TMEM117: variants seen among roughly 807,000 people sequenced by gnomAD.
TMEM117 encodes transmembrane protein 117.
Under a neutral mutation model 52.4 loss-of-function variants are expected in TMEM117, and 27 were observed. The ratio of observed to expected loss-of-function variants is 0.51; its 90% CI spans 0.38 to 0.71. The LOEUF (loss-of-function observed/expected upper bound fraction) is 0.71. Among genes scored for constraint, TMEM117 ranks in the 30% least tolerant of loss-of-function variants. TMEM117 has a pLI of 0.00. For synonymous variants in TMEM117, 215 were observed against 206.3 expected (o/e 1.04, Z -0.36); for missense variants, 556 against 630.5 (o/e 0.88, Z 1.26).
chr12:44,007,157 C>T (rs1483681537), intron 3 of TMEM117, among the ~76,000 whole-genome samples: 1 of 152,098 alleles, frequency 6.6e-6, no homozygotes, highest in African/African-American at 2.4e-5. Context: ...TTTACTTATA[C>T]AAAACTATAC....
intron 3 of TMEM117, among the ~76,000 whole-genome samples, chr12:44,017,477 A>G (rs1262749727): frequency 2.6e-5 from 4 of 151,510 alleles, no homozygotes; most frequent in African/African-American, 9.7e-5. Flanking sequence ...CCCTCCTCTT[A>G]CCCCAAAGAC....
intron 2 of TMEM117, among the ~76,000 whole-genome samples, chr12:43,873,261 G>A (rs1943736618): frequency 6.8e-6 from 1 of 147,096 alleles, no homozygotes; most frequent in Non-Finnish European, 1.5e-5. Context: ...TCTTCTAATA[G>A]GGTTAGTAGA....
intron 6 of TMEM117, among the ~76,000 whole-genome samples, chr12:44,315,011 A>C (rs1255142799): frequency 6.6e-6 from 1 of 151,950 alleles, no homozygotes; most frequent in African/African-American, 2.4e-5. Flanking sequence ...GAATTTATCC[A>C]TTTCTTCTAG....
chr12:44,283,052 C>T (rs1275844099), intron 5 of TMEM117, among the ~76,000 whole-genome samples: 1 of 152,226 alleles, frequency 6.6e-6, no homozygotes, highest in Admixed American at 6.5e-5. Flanking sequence ...CCTGTGGGTA[C>T]ACAGAAGTCA....
intron 6 of TMEM117, among the ~76,000 whole-genome samples, chr12:44,301,262 T>C (rs74449188): frequency 0.013 from 2,001 of 152,266 alleles, 45 homozygotes; most frequent in African/African-American, 0.046. Flanking sequence ...TGGGAAAATA[T>C]AACATTGTAA....
chr12:44,333,337 T>G (rs1318801036), intron 6 of TMEM117, among the ~76,000 whole-genome samples: 1 of 152,020 alleles, frequency 6.6e-6, no homozygotes, highest in Non-Finnish European at 1.5e-5. Context: ...GAGCCTGGAA[T>G]CTTGTGATAG....
At chr12:43,845,797 G>A (rs1437659317) in intron 2 of TMEM117, among the ~76,000 whole-genome samples, 1 of 151,944 alleles carries the variant, frequency 6.6e-6, no homozygotes, top group Non-Finnish European at 1.5e-5. Context: ...GTGGTGTTTG[G>A]TTTTCTTTCC....
intron 3 of TMEM117, among the ~76,000 whole-genome samples, chr12:44,045,450 TC>T (rs1478267519): frequency 1.3e-5 from 2 of 152,228 alleles, no homozygotes; most frequent in Non-Finnish European, 2.9e-5. Flanking sequence ...CATGCAATGC[TC>T]CAAGACTACC....
intron 3 of TMEM117, among the ~76,000 whole-genome samples, chr12:44,119,495 T>A (rs1948198531): frequency 6.6e-6 from 1 of 152,236 alleles, no homozygotes; most frequent in Non-Finnish European, 1.5e-5. Flanking sequence ...CCAGCTTTGA[T>A]CATTCCTATC....
chr12:44,104,839 G>C (rs980969475), intron 3 of TMEM117, among the ~76,000 whole-genome samples: 2 of 151,964 alleles, frequency 1.3e-5, no homozygotes, highest in Admixed American at 6.6e-5. Flanking sequence ...GGAGAAGTTA[G>C]ATGTAATTCT....
At chr12:43,917,825 C>T (rs1377050718) in intron 2 of TMEM117, among the ~76,000 whole-genome samples, 1 of 152,004 alleles carries the variant, frequency 6.6e-6, no homozygotes, top group Non-Finnish European at 1.5e-5. Context: ...AGTGAGTGAC[C>T]TTACAATCCC....
the TMEM117 span, among the ~76,000 whole-genome samples, chr12:44,396,844 A>G: frequency 6.9e-6 from 1 of 144,330 alleles, no homozygotes; most frequent in Non-Finnish European, 1.5e-5. Flanking sequence ...ACAGAGTGAG[A>G]CTCCAAAAAA....
chr12:43,819,812 G>T, the TMEM117 span, among the ~76,000 whole-genome samples: 4 of 151,956 alleles, frequency 2.6e-5, no homozygotes, highest in South Asian at 8.3e-4. Flanking sequence ...GAGAGAGAGA[G>T]AAAGGAAAGA....
intron 3 of TMEM117, among the ~76,000 whole-genome samples, chr12:44,133,951 G>T (rs1948452221): frequency 6.6e-6 from 1 of 152,038 alleles, no homozygotes; most frequent in South Asian, 2.1e-4. Flanking sequence ...CTGACACTTT[G>T]TAAGAGACCT....
In TMEM117 at chr12:44,376,687, G is replaced by T. The variant is rs1222284374; in HGVS notation, c.861G>T (p.Gln287His). The T allele has an allele frequency of 2.5e-6, 4 of 1,611,166 alleles. No individual in the cohort carries two copies. Among genetic ancestry groups the T allele is most frequent in the Non-Finnish European group, 3.4e-6 (4 of 1,179,086 alleles). The change falls in exon 7 of 8, where the codon CAG becomes CAT. Residue 287 changes from glutamine to histidine, a missense_variant. This residue lies in a region of TMEM117 where 328 missense variants were observed against 371.4 expected (regional missense o/e 0.88). Transcript: ENST00000266534. Reference protein sequence around the residue: ...PHMQFKIPFFQKIFKEEYRIH... With the variant: ...PHMQFKIPFFHKIFKEEYRIH... The stretch of plus-strand genomic sequence containing the variant: ...TGCAGTTCAAGATTCCTTTCTTCCA[G>T]AAAATCTTCAAGGAGGAATATCGTA...
At chr12:44,014,535 A>G (rs1946344748) in intron 3 of TMEM117, among the ~76,000 whole-genome samples, 1 of 152,162 alleles carries the variant, frequency 6.6e-6, no homozygotes, top group South Asian at 2.1e-4. Flanking sequence ...ACACTTTGAA[A>G]ACCACTGCAT....
At chr12:44,341,122 C>G (rs1293684698) in intron 6 of TMEM117, among the ~76,000 whole-genome samples, 1 of 152,012 alleles carries the variant, frequency 6.6e-6, no homozygotes, top group South Asian at 2.1e-4. Flanking sequence ...ACCTCAGCCT[C>G]CCAAGTAACT....
intron 5 of TMEM117, among the ~76,000 whole-genome samples, chr12:44,253,230 A>G (rs1950216743): frequency 6.6e-6 from 1 of 152,208 alleles, no homozygotes; most frequent in African/African-American, 2.4e-5. Flanking sequence ...AACCTGTTAG[A>G]TTTATTTTTT....
the TMEM117 span, chr12:43,806,429 C>T: frequency 4.4e-6 from 5 of 1,127,858 alleles, no homozygotes; most frequent in Non-Finnish European, 5.4e-6. Flanking sequence ...CCCTTCCTGG[C>T]CGCCGGGCTG....
Sources: allele counts gnomAD v4.1 joint callset (sites outside exome capture counted in the v4.1 genomes callset), GRCh38; gene constraint gnomAD v4.1.1; regional missense constraint gnomAD v4.1.1; transcripts MANE v1.5; gene names NCBI Gene and HGNC (gene_info 2026-07-23, HGNC 2026-07-21).